The following UNC5C variants were observed in gnomAD, a reference collection of about 807,000 sequenced individuals.
The protein encoded by UNC5C is netrin receptor UNC5C.
A neutral mutation model predicts 99.8 loss-of-function variants in UNC5C; 47 were observed. The ratio of observed to expected loss-of-function variants is 0.47; its 90% CI spans 0.37 to 0.60. The LOEUF is 0.60. Among genes scored for constraint, UNC5C ranks in the 20% least tolerant of loss-of-function variants. The pLI is 0.00. For synonymous variants in UNC5C, 487 were observed against 452.2 expected (o/e 1.08, Z -0.98); for missense variants, 1,062 against 1,165.9 (o/e 0.91, Z 1.30).
At chr4:95,457,527 A>G (rs1173538138) in intron 1 of UNC5C, among the ~76,000 whole-genome samples, 1 of 152,054 alleles carries the variant, frequency 6.6e-6, no homozygotes, top group Non-Finnish European at 1.5e-5. Context: ...CCAACAAAAC[A>G]AGAGCACACG....
At chr4:95,190,803 G>A (rs569893384) in intron 12 of UNC5C, among the ~76,000 whole-genome samples, 18 of 152,300 alleles carry the variant, frequency 1.2e-4, no homozygotes, top group Admixed American at 7.8e-4. Context: ...CTGTGGGAGG[G>A]CCTCTTTCCC....
intron 11 of UNC5C, 103 bp downstream of exon 11, chr4:95,206,525 T>C (rs1737881857): frequency 6.5e-7 from 1 of 1,528,044 alleles, no homozygotes; most frequent in Non-Finnish European, 8.8e-7. Flanking sequence ...GAGCTAAAAT[T>C]CCACTCATGT....
chr4:95,370,075 G>A (rs936976805), intron 1 of UNC5C, among the ~76,000 whole-genome samples: 15 of 152,096 alleles, frequency 9.9e-5, no homozygotes, highest in South Asian at 4.1e-4. Context: ...CTAGAGCTGC[G>A]CTCTCCAACA....
intron 9 of UNC5C, 76 bp downstream of exon 9, chr4:95,218,893 C>A: frequency 7.0e-7 from 1 of 1,421,886 alleles, no homozygotes; most frequent in East Asian, 2.3e-5. Context: ...GAAAACATCC[C>A]ACGAACAAAA....
intron 4 of UNC5C, 70 bp downstream of exon 4, chr4:95,278,189 G>T: frequency 2.4e-6 from 3 of 1,264,322 alleles, no homozygotes; most frequent in South Asian, 1.2e-5. Flanking sequence ...TGCACCATTA[G>T]CCATGGATTA....
chr4:95,181,976 T>G (rs996052206), intron 14 of UNC5C, among the ~76,000 whole-genome samples: 1 of 152,230 alleles, frequency 6.6e-6, no homozygotes, highest in Admixed American at 6.5e-5. Flanking sequence ...TATGACAATC[T>G]TGTGCTTTGT....
In UNC5C at chr4:95,168,418, C is replaced by T. The variant is rs1735941533; in HGVS notation, c.*816G>A. ...TTAAAAAAATCATTTTACCAGAATA[C>T]CTGTAAATAATAATAATACCTTTAA... On this transcript the variant is annotated 3_prime_UTR_variant, in exon 16 of 16. Coordinates refer to ENST00000453304, the MANE Select transcript of UNC5C (RefSeq NM_003728.4). 1 of 152,294 alleles carries T rather than the reference C, an allele frequency of 6.6e-6. No individual in the cohort carries two copies. Among genetic ancestry groups the T allele is most frequent in the Non-Finnish European group, 1.5e-5 (1 of 68,010 alleles). The allele number at this position is 152,294 out of a possible 1,614,324, so 9.4% of individuals were successfully genotyped here. A position where few individuals can be genotyped will look rare whatever the true frequency, so the allele number is the denominator to read the frequency against.
At chr4:95,463,694 G>T (rs965559844) in intron 1 of UNC5C, among the ~76,000 whole-genome samples, 1 of 152,106 alleles carries the variant, frequency 6.6e-6, no homozygotes, top group Non-Finnish European at 1.5e-5. Flanking sequence ...TCAGAACACT[G>T]CAAATCTCAG....
Position 95,335,422 on chromosome 4 carries a change from C to G in UNC5C, c.334G>C (p.Asp112His). 1.2e-6 allele frequency: 2 copies of G among 1,611,030 alleles called. No homozygotes were observed. The highest frequency in any genetic ancestry group is 2.7e-5 in the African/African-American group (2 of 74,948). ...ATGGAAAACTCACCGGAAGTTTCAT[C>G]TACTCTTTCATCTACTATGTGGTCC... ...QKDHIVDERV[D>H]ETSGLIVREV... Residue 112 changes from aspartate (D) to histidine (H), a missense_variant, in exon 2 of 16, where the codon GAT (aspartate) becomes CAT (histidine). By Grantham distance (81) the Asp-to-His change is moderately conservative. This residue lies in a region of UNC5C where 249 missense variants were observed against 295.1 expected (regional missense o/e 0.84). Transcript: ENST00000453304.
At chr4:95,248,397 A>G (rs1739577364) in intron 5 of UNC5C, 1 of 343,612 alleles carries the variant, frequency 2.9e-6, no homozygotes, top group Non-Finnish European at 5.7e-6. Context: ...AAAGTCAATT[A>G]TGTGTTAAGG....
intron 1 of UNC5C, among the ~76,000 whole-genome samples, chr4:95,444,985 G>T (rs1747054937): frequency 6.6e-6 from 1 of 152,132 alleles, no homozygotes; most frequent in South Asian, 2.1e-4. Flanking sequence ...AATGTCTGAG[G>T]GAACTAAACT....
intron 1 of UNC5C, among the ~76,000 whole-genome samples, chr4:95,519,585 T>A (rs1035742948): frequency 6.6e-5 from 10 of 152,004 alleles, no homozygotes; most frequent in Non-Finnish European, 1.5e-4. Flanking sequence ...TTGGGCAACA[T>A]TTTGACTGGA....
chr4:95,340,886 A>G (rs1303877967), intron 1 of UNC5C, among the ~76,000 whole-genome samples: 1 of 152,134 alleles, frequency 6.6e-6, no homozygotes, highest in East Asian at 1.9e-4. Context: ...GTGTATTCTT[A>G]GAAGACATTT....
chr4:95,310,592 C>T (rs1167293675), intron 2 of UNC5C, among the ~76,000 whole-genome samples: 4 of 152,002 alleles, frequency 2.6e-5, no homozygotes, highest in Non-Finnish European at 5.9e-5. Context: ...TAAATTTATT[C>T]AAAAGTTAAA....
At chr4:95,538,423 C>T (rs1449950037) in intron 1 of UNC5C, among the ~76,000 whole-genome samples, 9 of 152,192 alleles carry the variant, frequency 5.9e-5, no homozygotes, top group Non-Finnish European at 1.5e-5. Flanking sequence ...GCAAAACAAA[C>T]TCAAGGACTC....
At chr4:95,255,178 C>T (rs535190435) in intron 4 of UNC5C, among the ~76,000 whole-genome samples, 1 of 151,856 alleles carries the variant, frequency 6.6e-6, no homozygotes, top group African/African-American at 2.4e-5. Context: ...TAGGGTTTCA[C>T]CATGTTGGCC....
intron 1 of UNC5C, among the ~76,000 whole-genome samples, chr4:95,511,680 T>TCCTATGC (rs1722073417): frequency 1.3e-5 from 2 of 152,176 alleles, no homozygotes; most frequent in Non-Finnish European, 2.9e-5. Context: ...GCTTTCATTT[T>TCCTATGC]AGCTAGGTCC....
intron 2 of UNC5C, among the ~76,000 whole-genome samples, chr4:95,326,476 A>G (rs1742887622): frequency 6.6e-6 from 1 of 152,196 alleles, no homozygotes; most frequent in African/African-American, 2.4e-5. Flanking sequence ...ACCACAAAAT[A>G]TTGAGTAGAT....
chr4:95,270,880 A>T (rs1740635179), intron 4 of UNC5C, among the ~76,000 whole-genome samples: 1 of 152,220 alleles, frequency 6.6e-6, no homozygotes. Flanking sequence ...TTTACTATAA[A>T]CTTGCCTTTC....
Sources: allele counts gnomAD v4.1 joint callset (sites outside exome capture counted in the v4.1 genomes callset), GRCh38; gene constraint gnomAD v4.1.1; regional missense constraint gnomAD v4.1.1; transcripts MANE v1.5; gene names NCBI Gene and HGNC (gene_info 2026-07-23, HGNC 2026-07-21).